GRM7: variants seen among roughly 807,000 people sequenced by gnomAD.
GRM7 encodes glutamate metabotropic receptor 7.
A neutral mutation model predicts 84.5 loss-of-function variants in GRM7; 35 were observed. That is an observed-to-expected ratio of 0.41 (90% CI 0.32 to 0.55). GRM7 has a LOEUF of 0.55. Among genes scored for constraint, GRM7 ranks in the 20% least tolerant of loss-of-function variants. The probability of loss-of-function intolerance (pLI) is 0.19; values close to 1 mark genes in which losing one functional copy is unlikely to be tolerated. For synonymous variants in GRM7, 487 were observed against 455.1 expected (o/e 1.07, Z -0.89); for missense variants, 1,003 against 1,194.6 (o/e 0.84, Z 2.36).
intron 2 of GRM7, among the ~76,000 whole-genome samples, chr3:7,158,377 C>T (rs1374614375): frequency 5.9e-5 from 9 of 152,074 alleles, no homozygotes; most frequent in Non-Finnish European, 7.4e-5. Flanking sequence ...ACAAACTTTG[C>T]ATCTCTATAG....
At chr3:7,491,954 A>T (rs906329974) in intron 7 of GRM7, among the ~76,000 whole-genome samples, 2 of 152,130 alleles carry the variant, frequency 1.3e-5, no homozygotes, top group Admixed American at 6.6e-5. Flanking sequence ...GGCACCAAGG[A>T]GTGACGATGA....
At chr3:6,909,874 A>G (rs779276403) in intron 1 of GRM7, among the ~76,000 whole-genome samples, 3 of 152,136 alleles carry the variant, frequency 2.0e-5, no homozygotes, top group Middle Eastern at 3.2e-3. Context: ...TTAGATTTAT[A>G]GAATAGAAAA....
At chr3:6,948,676 T>C (rs1698187537) in intron 1 of GRM7, among the ~76,000 whole-genome samples, 1 of 152,166 alleles carries the variant, frequency 6.6e-6, no homozygotes, top group Non-Finnish European at 1.5e-5. Context: ...CCCATTATTA[T>C]TGTGTGGGTG....
intron 4 of GRM7, among the ~76,000 whole-genome samples, chr3:7,342,559 C>A (rs548528665): frequency 1.4e-4 from 22 of 152,280 alleles, no homozygotes; most frequent in African/African-American, 4.8e-4. Context: ...CTATCCTGTT[C>A]AAGTCTGTCT....
chr3:7,461,770 G>A, intron 7 of GRM7, 48 bp downstream of exon 7: 1 of 1,564,602 alleles, frequency 6.4e-7, no homozygotes, highest in South Asian at 1.1e-5. Context: ...TGAATGAACA[G>A]ACTTTTAATT....
At chr3:7,312,467 C>T (rs756626900) in intron 4 of GRM7, among the ~76,000 whole-genome samples, 1 of 151,990 alleles carries the variant, frequency 6.6e-6, no homozygotes, top group South Asian at 2.1e-4. Flanking sequence ...GGAAAGTGTC[C>T]CTGGGGCTTG....
rs1287742602 is a variant in GRM7, at chr3:6,862,979, C to G, written c.519+1072C>G. On this transcript the variant is annotated intron_variant, in intron 1 of 9. Transcript: ENST00000357716. This position sits in a 1 kb window ranked among gnomAD's most constrained non-coding sequence, Gnocchi z 5.2. ...GCCTCCTGCTCCAGCAGCCTCTGCCCCATGGCTCCTGAGCTGCACTGGGTA... is the reference window on the plus strand; with the variant it reads ...GCCTCCTGCTCCAGCAGCCTCTGCCGCATGGCTCCTGAGCTGCACTGGGTA... The G allele has an allele frequency of 2.2e-6, 1 of 456,440 alleles. No homozygotes were observed. Among genetic ancestry groups the G allele is most frequent in the Non-Finnish European group, 4.4e-6 (1 of 226,850 alleles). The allele number at this position is 456,440 out of a possible 1,614,324, so 28.3% of individuals were successfully genotyped here.
At chr3:7,249,718 A>G (rs1347168761) in intron 2 of GRM7, among the ~76,000 whole-genome samples, 1 of 152,190 alleles carries the variant, frequency 6.6e-6, no homozygotes, top group Non-Finnish European at 1.5e-5. Context: ...AAAACTGTGG[A>G]AATTAACAAG....
chr3:7,436,662 T>G (rs573793048), intron 5 of GRM7, among the ~76,000 whole-genome samples: 1 of 152,324 alleles, frequency 6.6e-6, no homozygotes, highest in South Asian at 2.1e-4. Context: ...GACAGTTACC[T>G]ACAATCAAAC....
chr3:7,528,049 G>A (rs917083364), intron 7 of GRM7, among the ~76,000 whole-genome samples: 1 of 152,018 alleles, frequency 6.6e-6, no homozygotes, highest in African/African-American at 2.4e-5. Flanking sequence ...CAGAATAAGA[G>A]AGAAATCCCT....
intron 1 of GRM7, among the ~76,000 whole-genome samples, chr3:6,960,819 T>C (rs1693269546): frequency 6.6e-6 from 1 of 152,130 alleles, no homozygotes; most frequent in African/African-American, 2.4e-5. Context: ...TGGTGGGGCC[T>C]GGGGGTTGGA....
intron 1 of GRM7, among the ~76,000 whole-genome samples, chr3:6,943,052 T>G (rs1366914154): frequency 6.6e-6 from 1 of 152,072 alleles, no homozygotes. Flanking sequence ...TGTCCACTTT[T>G]TGGTAAGTTG....
intron 1 of GRM7, among the ~76,000 whole-genome samples, chr3:6,931,979 A>T (rs1321294311): frequency 6.6e-6 from 1 of 152,232 alleles, no homozygotes; most frequent in Non-Finnish European, 1.5e-5. Flanking sequence ...GGCATAAGGG[A>T]ATATTGCTGC....
intron 1 of GRM7, among the ~76,000 whole-genome samples, chr3:7,062,190 T>A (rs1254412341): frequency 1.3e-5 from 2 of 151,728 alleles, no homozygotes; most frequent in Admixed American, 6.6e-5. Flanking sequence ...CATCTTGGAT[T>A]GTTTGGAATA....
intron 6 of GRM7, among the ~76,000 whole-genome samples, chr3:7,457,284 T>TA (rs1223653764): frequency 1.3e-5 from 2 of 152,148 alleles, no homozygotes; most frequent in East Asian, 3.9e-4. Context: ...AAGGCATTGA[T>TA]ACAGTTTCAT....
chr3:7,073,961 G>T (rs1186911950), intron 1 of GRM7, among the ~76,000 whole-genome samples: 2 of 137,148 alleles, frequency 1.5e-5, no homozygotes, highest in African/African-American at 2.9e-5. Context: ...ATATTAATTG[G>T]GGGGAGGGTG....
intron 2 of GRM7, among the ~76,000 whole-genome samples, chr3:7,271,440 T>C (rs1395684079): frequency 1.3e-5 from 2 of 151,492 alleles, no homozygotes; most frequent in African/African-American, 2.4e-5. Flanking sequence ...GCGCCTGTAG[T>C]CCCAGCTACT....
At chr3:7,126,146 G>T (rs1294564394) in intron 1 of GRM7, among the ~76,000 whole-genome samples, 1 of 152,182 alleles carries the variant, frequency 6.6e-6, no homozygotes, top group Non-Finnish European at 1.5e-5. Flanking sequence ...TTGTAAAGAT[G>T]GGCTATTTGG....
chr3:7,000,642 G>A (rs1694982735), intron 1 of GRM7, among the ~76,000 whole-genome samples: 1 of 152,196 alleles, frequency 6.6e-6, no homozygotes, highest in Admixed American at 6.5e-5. Context: ...CCAGATCTTA[G>A]TGGCTCACAA....
Sources: allele counts gnomAD v4.1 joint callset (sites outside exome capture counted in the v4.1 genomes callset), GRCh38; gene constraint gnomAD v4.1.1; non-coding constraint Gnocchi (gnomAD v3.1); transcripts MANE v1.5; gene names NCBI Gene and HGNC (gene_info 2026-07-23, HGNC 2026-07-21).